The following LYPLA1 variants were observed in gnomAD, a reference collection of about 807,000 sequenced individuals.
LYPLA1 encodes the protein acyl-protein thioesterase 1.
A neutral mutation model predicts 34.0 loss-of-function variants in LYPLA1; 17 were observed. The observed-to-expected ratio is 0.50, with a 90% confidence interval of 0.34 to 0.75. The LOEUF (loss-of-function observed/expected upper bound fraction) is 0.75. Ranked by LOEUF, LYPLA1 falls within the 30% of genes least tolerant of loss-of-function variation. The probability of loss-of-function intolerance (pLI) is 0.01; values close to 1 mark genes in which losing one functional copy is unlikely to be tolerated. For missense variants in LYPLA1, 203 were observed against 288.8 expected (o/e 0.70, Z 2.15); for synonymous variants, 98 against 100.8 (o/e 0.97, Z 0.17).
At chr8:54,101,052 A>C in intron 1 of LYPLA1, 113 bp from the exon 2 acceptor site, 2 of 867,892 alleles carry the variant, frequency 2.3e-6, no homozygotes, top group Non-Finnish European at 3.7e-6. Context: ...AGAGAATTAC[A>C]CAACACTATC....
At chr8:54,048,661 G>A (rs1410085704) in intron 8 of LYPLA1, among the ~76,000 whole-genome samples, 1 of 152,108 alleles carries the variant, frequency 6.6e-6, no homozygotes, top group African/African-American at 2.4e-5. Flanking sequence ...TTAGCCTCTT[G>A]CATTTGGCTC....
At chr8:54,098,003 G>A (rs557482657) in intron 2 of LYPLA1, among the ~76,000 whole-genome samples, 25 of 151,708 alleles carry the variant, frequency 1.6e-4, no homozygotes, top group Non-Finnish European at 2.7e-4. Flanking sequence ...CGGGCAGATC[G>A]CTTGAGGTCA....
intron 2 of LYPLA1, among the ~76,000 whole-genome samples, chr8:54,084,133 A>AAAAAAAAAAAAAATTTTT (rs1373090573): frequency 5.8e-5 from 7 of 120,482 alleles, no homozygotes; most frequent in African/African-American, 3.2e-4. Flanking sequence ...AGAAAAAAAA[A>AAAAAAAAAAAAAATTTTT]ATAAATAAAT....
At chr8:54,101,488 C>A in intron 1 of LYPLA1, 1 of 1,118,812 alleles carries the variant, frequency 8.9e-7, no homozygotes. Flanking sequence ...GACGCCGTGC[C>A]CTAGGCCGGC....
At chr8:54,058,612 C>CTCTG (rs891688824) in intron 5 of LYPLA1, among the ~76,000 whole-genome samples, 1 of 151,314 alleles carries the variant, frequency 6.6e-6, no homozygotes, top group Non-Finnish European at 1.5e-5. Flanking sequence ...GTGTCTCTGT[C>CTCTG]TCTGTCTCTC....
At chr8:54,062,231 T>G in intron 5 of LYPLA1, 23 bp downstream of exon 5, 3 of 1,512,658 alleles carry the variant, frequency 2.0e-6, no homozygotes, top group Non-Finnish European at 2.7e-6. Flanking sequence ...ACTTTTGGCT[T>G]TATAAACATT....
At chr8:54,078,227 C>T (rs970921941) in intron 2 of LYPLA1, among the ~76,000 whole-genome samples, 6 of 152,144 alleles carry the variant, frequency 3.9e-5, no homozygotes, top group Admixed American at 3.9e-4. Context: ...GCCAGGATTA[C>T]AAGCGTGAGC....
At chr8:54,065,476 A>AAATG (rs1806987862) in intron 3 of LYPLA1, among the ~76,000 whole-genome samples, 1 of 151,080 alleles carries the variant, frequency 6.6e-6, no homozygotes, top group Admixed American at 6.6e-5. Context: ...ATAAATAAAT[A>AAATG]AATAAATAAA....
At position 54,065,884 on chromosome 8, in the gene LYPLA1, T is replaced by G. The variant is rs1234171253; in HGVS notation, c.102-71A>C. ...TCCCAGTAAGTAAGTAGCAGAAGAGTAGCTTTAAAAAATTGTGAAGATAAA... is the reference window on the plus strand; with the variant it reads ...TCCCAGTAAGTAAGTAGCAGAAGAGGAGCTTTAAAAAATTGTGAAGATAAA... On this transcript the variant is annotated intron_variant, in intron 2 of 8. Transcript: ENST00000316963. 5 of 972,252 alleles carry G rather than the reference T, an allele frequency of 5.1e-6. No individual in the cohort carries two copies. The African/African-American group carries it at 6.5e-5, about 13-fold the overall frequency. 60.2% of individuals were successfully genotyped at this position (972,252 alleles called of 1,614,324 possible).
At chr8:54,091,571 GAAAGAAAGA>G (rs1289952356) in intron 2 of LYPLA1, among the ~76,000 whole-genome samples, 2 of 128,676 alleles carry the variant, frequency 1.6e-5, no homozygotes, top group Non-Finnish European at 3.2e-5. Flanking sequence ...AGGAAGGAAA[GAAAGAAAGA>G]AAAGGAAGGA....
Position 54,047,835 on chromosome 8 carries a change from C to G in LYPLA1, c.*230G>C. Reference sequence around the variant, plus strand: ...AGAAAAAAGAAGCTACCTGCTTCATCTATTCTAATATAGTAGATCCTGGGT... The same window carrying G: ...AGAAAAAAGAAGCTACCTGCTTCATGTATTCTAATATAGTAGATCCTGGGT... On this transcript the variant is annotated 3_prime_UTR_variant, in exon 9 of 9. Transcript: ENST00000316963. The G allele has an allele frequency of 2.7e-6, 1 of 377,062 alleles. No individual in the cohort carries two copies. The highest frequency in any genetic ancestry group is 4.7e-6 in the Non-Finnish European group (1 of 212,122). The allele number at this position is 377,062 out of a possible 1,614,324, so 23.4% of individuals were successfully genotyped here.
At chr8:54,091,775 T>C (rs1809299827) in intron 2 of LYPLA1, among the ~76,000 whole-genome samples, 1 of 151,912 alleles carries the variant, frequency 6.6e-6, no homozygotes, top group South Asian at 2.1e-4. Flanking sequence ...ACTATCAGTA[T>C]CCAATGAGAA....
chr8:54,062,448 T>C (rs1250044128), intron 4 of LYPLA1, 124 bp from the exon 5 acceptor site: 1 of 339,528 alleles, frequency 2.9e-6, no homozygotes, highest in East Asian at 4.7e-5. Context: ...TTTTATTTAA[T>C]TTATCTATTT....
intron 2 of LYPLA1, among the ~76,000 whole-genome samples, chr8:54,078,878 A>AC (rs76436990): frequency 2.0e-4 from 29 of 141,734 alleles, no homozygotes; most frequent in Non-Finnish European, 3.7e-4. Context: ...ATGTTCAACA[A>AC]CCCCCCCCCT....
chr8:54,076,534 C>G (rs1807917865), intron 2 of LYPLA1, among the ~76,000 whole-genome samples: 1 of 152,178 alleles, frequency 6.6e-6, no homozygotes, highest in Non-Finnish European at 1.5e-5. Flanking sequence ...GCAAGCCCCC[C>G]CGAAATCTGG....
At chr8:54,084,259 T>TA (rs1170634769) in intron 2 of LYPLA1, among the ~76,000 whole-genome samples, 5 of 135,550 alleles carry the variant, frequency 3.7e-5, no homozygotes, top group African/African-American at 1.4e-4. Context: ...AAGAAAATAA[T>TA]AAAAACTAGA....
chr8:54,074,630 C>G (rs894487825), intron 2 of LYPLA1, among the ~76,000 whole-genome samples: 2 of 152,224 alleles, frequency 1.3e-5, no homozygotes, highest in Non-Finnish European at 2.9e-5. Context: ...GTTAATGCCT[C>G]TGGTCTCAAA....
intron 2 of LYPLA1, among the ~76,000 whole-genome samples, chr8:54,066,177 T>C (rs1807056291): frequency 1.3e-5 from 2 of 152,088 alleles, no homozygotes; most frequent in Non-Finnish European, 2.9e-5. Context: ...GACCTCGTGA[T>C]CCGCTCGCCT....
chr8:54,065,034 A>G (rs992348558), intron 3 of LYPLA1, among the ~76,000 whole-genome samples: 4 of 152,110 alleles, frequency 2.6e-5, no homozygotes, highest in African/African-American at 9.7e-5. Flanking sequence ...AACAATACCT[A>G]TCATATTCCA....
Sources: allele counts gnomAD v4.1 joint callset (sites outside exome capture counted in the v4.1 genomes callset), GRCh38; gene constraint gnomAD v4.1.1; transcripts MANE v1.5; gene names NCBI Gene and HGNC (gene_info 2026-07-23, HGNC 2026-07-21).